FBXL17: variants seen among roughly 807,000 people sequenced by gnomAD.
FBXL17 encodes F-box and leucine rich repeat protein 17, also known as F-box/LRR-repeat protein 17.
In FBXL17, 22 loss-of-function variants were observed where a neutral mutation model predicts 66.2. The observed-to-expected ratio is 0.33, with a 90% CI of 0.24 to 0.47. The LOEUF is 0.47. FBXL17 is among the 20% of genes least tolerant of loss of function. The pLI, the probability that FBXL17 is intolerant of heterozygous loss-of-function variation, is 1.00. For missense variants in FBXL17, 878 were observed against 948.2 expected, an observed-to-expected ratio of 0.93 and a Z score of 0.97; for synonymous variants, 474 against 400.5, an observed-to-expected ratio of 1.18 and a Z score of -2.19.
intron 6 of FBXL17, among the ~76,000 whole-genome samples, chr5:108,092,411 C>T (rs6895600): frequency 0.042 from 6,398 of 152,088 alleles, 208 homozygotes; most frequent in African/African-American, 0.089. Context: ...TCAGATGATT[C>T]TCAGCCTCCC....
At chr5:108,127,194 C>T (rs575000884) in intron 6 of FBXL17, among the ~76,000 whole-genome samples, 1 of 152,132 alleles carries the variant, frequency 6.6e-6, no homozygotes, top group South Asian at 2.1e-4. Context: ...TTGGAAGACA[C>T]CAACACTTAT....
intron 6 of FBXL17, among the ~76,000 whole-genome samples, chr5:108,152,479 T>C (rs185824992): frequency 1.3e-5 from 2 of 152,326 alleles, no homozygotes; most frequent in African/African-American, 2.4e-5. Flanking sequence ...TAAGTGCATA[T>C]ACAGGCATAC....
intron 7 of FBXL17, among the ~76,000 whole-genome samples, chr5:107,945,956 T>C (rs888236708): frequency 2.6e-5 from 4 of 152,010 alleles, no homozygotes; most frequent in African/African-American, 9.7e-5. Flanking sequence ...CATGTACCCC[T>C]ATAACATAAT....
chr5:108,145,704 A>G (rs1435803642), intron 6 of FBXL17, among the ~76,000 whole-genome samples: 1 of 152,106 alleles, frequency 6.6e-6, no homozygotes, highest in East Asian at 1.9e-4. Flanking sequence ...AGTTTTGAAG[A>G]GTTATTTGAA....
At chr5:107,933,355 C>T (rs574925887) in intron 7 of FBXL17, among the ~76,000 whole-genome samples, 1 of 152,112 alleles carries the variant, frequency 6.6e-6, no homozygotes, top group Non-Finnish European at 1.5e-5. Context: ...ATGTGCATCA[C>T]AAATATTTTC....
At chr5:108,251,516 C>T (rs374175623) in intron 4 of FBXL17, among the ~76,000 whole-genome samples, 1 of 152,016 alleles carries the variant, frequency 6.6e-6, no homozygotes, top group African/African-American at 2.4e-5. Context: ...AATCTTCCTA[C>T]AGCCAGACTT....
chr5:108,228,385 C>T (rs1755188086), intron 4 of FBXL17, among the ~76,000 whole-genome samples: 1 of 152,086 alleles, frequency 6.6e-6, no homozygotes, highest in East Asian at 1.9e-4. Flanking sequence ...TCACTTCTAG[C>T]TTCTCTGGGA....
intron 4 of FBXL17, among the ~76,000 whole-genome samples, chr5:108,288,899 T>A (rs1758004725): frequency 6.6e-6 from 1 of 152,112 alleles, no homozygotes; most frequent in Non-Finnish European, 1.5e-5. Flanking sequence ...TTTTAATTAC[T>A]TGAATGAAGT....
At chr5:107,927,654 T>C (rs1181315391) in intron 7 of FBXL17, among the ~76,000 whole-genome samples, 1 of 152,142 alleles carries the variant, frequency 6.6e-6, no homozygotes, top group Non-Finnish European at 1.5e-5. Flanking sequence ...CAAGATTGTA[T>C]TTGTCACTAG....
At chr5:108,068,469 CG>C (rs1326308375) in intron 6 of FBXL17, among the ~76,000 whole-genome samples, 1 of 81,378 alleles carries the variant, frequency 1.2e-5, no homozygotes, top group African/African-American at 4.7e-5. Flanking sequence ...GGGGGGGGGG[CG>C]GGGGGAATGG....
At chr5:107,997,557 G>C (rs9285958) in intron 7 of FBXL17, among the ~76,000 whole-genome samples, 26,526 of 152,088 alleles carry the variant, frequency 0.17, 6,448 homozygotes, top group African/African-American at 0.54. Flanking sequence ...ACAATTTCAA[G>C]AATTCATTAT....
chr5:108,049,151 T>TC (rs1261161192), intron 6 of FBXL17, among the ~76,000 whole-genome samples: 2 of 151,692 alleles, frequency 1.3e-5, no homozygotes, highest in Admixed American at 6.6e-5. Context: ...TATTCAACAT[T>TC]CTTTTTTTTT....
intron 7 of FBXL17, among the ~76,000 whole-genome samples, chr5:107,943,760 G>A (rs1481586554): frequency 2.0e-5 from 3 of 152,112 alleles, no homozygotes; most frequent in South Asian, 4.2e-4. Context: ...GAAAGAGACT[G>A]TACAGTCCAT....
At position 107,993,175 on chromosome 5, in the gene FBXL17, G is replaced by A. The variant is rs532222260; in HGVS notation, c.1822+27750C>T. On this transcript the variant is annotated intron_variant, in intron 7 of 8. Coordinates refer to ENST00000542267, the MANE Select transcript of FBXL17 (RefSeq NM_001163315.3). ...CTCCCAAAGTGCTGGGATTACAGGC[G>A]TGAGCCACCGCACCCGGCCTGTTTT... Among the ~76,000 whole-genome samples, 36 of 152,210 alleles carry A rather than the reference G, an allele frequency of 2.4e-4. 1 individual carries two copies. The highest frequency in any genetic ancestry group is 7.7e-4 in the East Asian group (4 of 5,184).
chr5:107,905,030 C>A (rs1303759477), intron 7 of FBXL17, among the ~76,000 whole-genome samples: 2 of 151,776 alleles, frequency 1.3e-5, no homozygotes, highest in African/African-American at 2.4e-5. Context: ...CTGCTTCCAA[C>A]TCAAACAGGG....
At position 108,016,017 on chromosome 5, in the gene FBXL17, C is replaced by A. The variant is rs1401077969; in HGVS notation, c.1822+4908G>T. On this transcript the variant is annotated intron_variant, in intron 7 of 8. Transcript: ENST00000542267. ...CTAAACATCTGTATGTAGTACATGG[C>A]CCAGCACACGGTGGGTGCTGACTCA... Among the ~76,000 whole-genome samples, 6 of 152,236 alleles carry A rather than the reference C, an allele frequency of 3.9e-5. No homozygotes were observed. In the East Asian group the frequency reaches 1.2e-3, roughly 29 times the overall value.
chr5:107,937,354 A>C (rs956408482), intron 7 of FBXL17, among the ~76,000 whole-genome samples: 13 of 152,164 alleles, frequency 8.5e-5, no homozygotes, highest in African/African-American at 3.1e-4. Context: ...CTCAGAAGCC[A>C]GTGTTAGACT....
chr5:107,880,338 C>A, intron 8 of FBXL17: 1 of 982,204 alleles, frequency 1.0e-6, no homozygotes, highest in East Asian at 1.1e-4. Flanking sequence ...CTTGGCCTCC[C>A]AATGTGCTGG....
At chr5:108,217,333 A>T (rs1330189535) in intron 5 of FBXL17, among the ~76,000 whole-genome samples, 1 of 152,126 alleles carries the variant, frequency 6.6e-6, no homozygotes, top group East Asian at 1.9e-4. Flanking sequence ...CTCAGACAAC[A>T]AAAGTTTGTT....
Sources: allele counts gnomAD v4.1 joint callset (sites outside exome capture counted in the v4.1 genomes callset), GRCh38; gene constraint gnomAD v4.1.1; transcripts MANE v1.5; gene names NCBI Gene and HGNC (gene_info 2026-07-23, HGNC 2026-07-21).